Variants in KCNH8 observed in about 807,000 individuals in gnomAD.
KCNH8 encodes voltage-gated delayed rectifier potassium channel KCNH8.
KCNH8 carries 70 observed loss-of-function variants against 103.6 expected under a neutral mutation model. That is an observed-to-expected ratio of 0.68 (90% CI 0.56 to 0.82). KCNH8 has a LOEUF of 0.82. KCNH8 is among the 40% of genes least tolerant of loss of function. KCNH8 has a pLI of 0.00. For synonymous variants in KCNH8, 498 were observed against 489.4 expected (o/e 1.02, Z -0.23); for missense variants, 1,217 against 1,329.9 (o/e 0.92, Z 1.32).
intron 11 of KCNH8, among the ~76,000 whole-genome samples, chr3:19,469,039 T>C (rs796748673): frequency 2.0e-5 from 3 of 152,342 alleles, no homozygotes; most frequent in African/African-American, 7.2e-5. Context: ...ATATTAATAA[T>C]TTTTTAAATC....
rs563517391 is a variant in KCNH8 at position 19,173,071 on chromosome 3, A to G, written c.76+24276A>G. Among the ~76,000 whole-genome samples, 6 of 152,352 alleles carry G rather than the reference A, an allele frequency of 3.9e-5. No homozygotes were observed. The East Asian group carries it at 5.8e-4, about 15-fold the overall frequency. On this transcript the variant is annotated intron_variant, in intron 1 of 15. Coordinates refer to ENST00000328405, the MANE Select transcript of KCNH8 (RefSeq NM_144633.3). The stretch of plus-strand genomic sequence containing the variant: ...CTAGGTGGCTCTCAACTCAGGCTAC[A>G]TATCAGAATTGCCTAATAAGTTTTT...
At chr3:19,214,772 A>T (rs1342603537) in intron 1 of KCNH8, among the ~76,000 whole-genome samples, 1 of 152,206 alleles carries the variant, frequency 6.6e-6, no homozygotes, top group Non-Finnish European at 1.5e-5. Flanking sequence ...AAGATAGTGA[A>T]GTTAGTAATT....
chr3:19,362,055 A>C (rs1002127267), intron 5 of KCNH8, among the ~76,000 whole-genome samples: 1 of 152,170 alleles, frequency 6.6e-6, no homozygotes, highest in African/African-American at 2.4e-5. Flanking sequence ...TCAAGAAATC[A>C]GCTCACTCAC....
chr3:19,493,974 T>C (rs1225631200), intron 11 of KCNH8, among the ~76,000 whole-genome samples: 2 of 152,152 alleles, frequency 1.3e-5, no homozygotes, highest in African/African-American at 4.8e-5. Flanking sequence ...TAGTATCCAA[T>C]AGATATTTTT....
chr3:19,476,083 C>T (rs189707689), intron 11 of KCNH8, among the ~76,000 whole-genome samples: 163 of 152,184 alleles, frequency 1.1e-3, no homozygotes, highest in Non-Finnish European at 1.7e-3. Flanking sequence ...TCTTAAGTTT[C>T]GAAGATTTCT....
In KCNH8 at chr3:19,404,996, T is replaced by G. The variant is rs376023772; in HGVS notation, c.1177+9685T>G. On this transcript the variant is annotated intron_variant, in intron 7 of 15. Coordinates refer to ENST00000328405, the MANE Select transcript of KCNH8 (RefSeq NM_144633.3). Reference sequence around the variant, plus strand: ...TATAGCAGGTAGAATAGAGGACATTTTAGCTCATTTACTTATTTAGATAAA... The same window carrying G: ...TATAGCAGGTAGAATAGAGGACATTGTAGCTCATTTACTTATTTAGATAAA... 1.5e-4 allele frequency among the ~76,000 whole-genome samples: 23 copies of G among 151,968 alleles called. No homozygotes were observed. The South Asian group carries it at 1.7e-3, about 11-fold the overall frequency.
intron 3 of KCNH8, among the ~76,000 whole-genome samples, chr3:19,315,442 A>G (rs2065261275): frequency 6.6e-6 from 1 of 151,960 alleles, no homozygotes; most frequent in South Asian, 2.1e-4. Context: ...ATTTCAATGA[A>G]CTGAGGGACT....
At chr3:19,318,535 C>T (rs2065304975) in intron 3 of KCNH8, among the ~76,000 whole-genome samples, 1 of 151,654 alleles carries the variant, frequency 6.6e-6, no homozygotes, top group Middle Eastern at 3.4e-3. Context: ...ATTAGTTTTC[C>T]ATTCCTGAGT....
intron 4 of KCNH8, chr3:19,346,586 A>T (rs1211581580): frequency 2.2e-6 from 1 of 455,914 alleles, no homozygotes; most frequent in African/African-American, 2.0e-5. Context: ...GAACTATTCA[A>T]TCACTGACAG....
intron 2 of KCNH8, among the ~76,000 whole-genome samples, chr3:19,269,260 A>T (rs891327815): frequency 2.6e-5 from 4 of 152,116 alleles, no homozygotes; most frequent in Admixed American, 1.3e-4. Context: ...CTCTATGATA[A>T]GGAGAGCTAT....
chr3:19,354,175 G>A (rs947852341), intron 5 of KCNH8, among the ~76,000 whole-genome samples: 2 of 152,132 alleles, frequency 1.3e-5, no homozygotes, highest in East Asian at 1.9e-4. Context: ...ACTTACAAGG[G>A]ATGTGAAAGA....
chr3:19,433,828 C>T (rs1003311494), intron 7 of KCNH8, among the ~76,000 whole-genome samples: 1 of 152,186 alleles, frequency 6.6e-6, no homozygotes. Flanking sequence ...ACACTAAATG[C>T]CGTTACGGCT....
At chr3:19,216,303 C>T (rs377509444) in intron 1 of KCNH8, among the ~76,000 whole-genome samples, 1 of 152,220 alleles carries the variant, frequency 6.6e-6, no homozygotes, top group Non-Finnish European at 1.5e-5. Flanking sequence ...GCCTACTTCT[C>T]CATCAGGGAC....
chr3:19,503,068 A>G (rs1437550399), intron 11 of KCNH8, among the ~76,000 whole-genome samples: 3 of 151,702 alleles, frequency 2.0e-5, no homozygotes, highest in African/African-American at 7.3e-5. Context: ...AATGAACTCA[A>G]ACAAATTTAC....
chr3:19,465,445 T>C (rs971035322), intron 11 of KCNH8, among the ~76,000 whole-genome samples: 4 of 152,136 alleles, frequency 2.6e-5, no homozygotes, highest in South Asian at 2.1e-4. Context: ...TGCTCATTCA[T>C]TGACAGTATA....
chr3:19,513,418 C>A, intron 13 of KCNH8, 93 bp downstream of exon 13: 1 of 1,452,716 alleles, frequency 6.9e-7, no homozygotes, highest in Non-Finnish European at 9.2e-7. Context: ...CCTTTCTACT[C>A]CACAGATTCC....
At chr3:19,290,852 A>C (rs1377741859) in intron 3 of KCNH8, among the ~76,000 whole-genome samples, 1 of 152,184 alleles carries the variant, frequency 6.6e-6, no homozygotes, top group African/African-American at 2.4e-5. Context: ...CTGTGGTAGA[A>C]TTCGGCTATG....
At chr3:19,291,540 G>A (rs910391753) in intron 3 of KCNH8, among the ~76,000 whole-genome samples, 5 of 152,196 alleles carry the variant, frequency 3.3e-5, no homozygotes, top group South Asian at 2.1e-4. Flanking sequence ...CAGTTTCCAT[G>A]TAGTTGAGCG....
chr3:19,239,164 T>C (rs1300106987), intron 1 of KCNH8, among the ~76,000 whole-genome samples: 1 of 152,166 alleles, frequency 6.6e-6, no homozygotes, highest in Admixed American at 6.5e-5. Flanking sequence ...ACTTTTTTTT[T>C]CACCTAATAA....
Sources: allele counts gnomAD v4.1 joint callset (sites outside exome capture counted in the v4.1 genomes callset), GRCh38; gene constraint gnomAD v4.1.1; transcripts MANE v1.5; gene names NCBI Gene and HGNC (gene_info 2026-07-23, HGNC 2026-07-21).